The following DLC1 variants were observed in gnomAD, a reference collection of about 807,000 sequenced individuals.
The protein encoded by DLC1 is rho GTPase-activating protein 7.
Under a neutral mutation model 140.3 loss-of-function variants are expected in DLC1, and 54 were observed. That is an observed-to-expected ratio of 0.38 (90% CI 0.31 to 0.48). DLC1 has a LOEUF of 0.48. Ranked by LOEUF, DLC1 falls within the 20% of genes least tolerant of loss-of-function variation. The pLI, the probability that DLC1 is intolerant of heterozygous loss-of-function variation, is 0.96. For synonymous variants in DLC1, 986 were observed against 728.1 expected, an observed-to-expected ratio of 1.35 and a Z score of -5.70; for missense variants, 2,536 against 1,907.0, an observed-to-expected ratio of 1.33 and a Z score of -6.14.
intron 5 of DLC1, chr8:13,132,867 G>T: frequency 6.6e-7 from 1 of 1,525,194 alleles, no homozygotes; most frequent in South Asian, 1.2e-5. Flanking sequence ...AAGGCGGGGT[G>T]ACACTTTCTC....
At chr8:13,490,196 T>G (rs1801171583) in intron 2 of DLC1, among the ~76,000 whole-genome samples, 1 of 152,236 alleles carries the variant, frequency 6.6e-6, no homozygotes, top group Non-Finnish European at 1.5e-5. Context: ...TAATTTTTAA[T>G]GTGCATAAAA....
intron 2 of DLC1, among the ~76,000 whole-genome samples, chr8:13,491,642 C>A (rs532497928): frequency 6.6e-5 from 10 of 152,114 alleles, no homozygotes; most frequent in Non-Finnish European, 1.5e-4. Flanking sequence ...TTAGTGAGTT[C>A]TTTTGTGGCA....
At chr8:13,276,633 C>T (rs983084672) in intron 5 of DLC1, 22 of 1,201,346 alleles carry the variant, frequency 1.8e-5, no homozygotes, top group Non-Finnish European at 2.2e-5. Flanking sequence ...CCTCGCGGGG[C>T]GCGCGAGCTG....
At chr8:13,091,177 A>G (rs1490971490) in intron 14 of DLC1, 141 bp downstream of exon 14, 5 of 667,386 alleles carry the variant, frequency 7.5e-6, no homozygotes, top group Non-Finnish European at 1.3e-5. Context: ...AATATATGTA[A>G]ATAAGACATT....
intron 4 of DLC1, among the ~76,000 whole-genome samples, chr8:13,385,079 C>T (rs984858208): frequency 2.6e-5 from 4 of 152,030 alleles, no homozygotes; most frequent in Non-Finnish European, 2.9e-5. Flanking sequence ...AGGCAGAGGA[C>T]GGCAGTTTTG....
Position 13,500,068 on chromosome 8 carries a change from A to G in DLC1, c.4T>C (p.Ser2Pro), listed in dbSNP as rs1484119918. 2.5e-6 allele frequency: 4 copies of G among 1,611,858 alleles called. No individual in the cohort carries two copies. The highest frequency in any genetic ancestry group is 2.7e-5 in the African/African-American group (2 of 74,880). The change falls in exon 2 of 18, where the codon TCT (serine) becomes CCT (proline). Residue 2 changes from serine (S) to proline (P), a missense_variant. By Grantham distance (74) the Ser-to-Pro change is moderately conservative. Coordinates refer to ENST00000276297, the MANE Select transcript of DLC1 (RefSeq NM_182643.3). M[S>P]VAIRKRSWEE... is the part of the protein sequence containing the mutation. Reference sequence around the variant, plus strand: ...CAGCTTCTCTTTCTGATAGCTACAGACATGTCATCGTAGTTTAACAACAGA... The same window carrying G: ...CAGCTTCTCTTTCTGATAGCTACAGGCATGTCATCGTAGTTTAACAACAGA...
chr8:13,121,377 T>C (rs1821046424), intron 5 of DLC1, among the ~76,000 whole-genome samples: 1 of 152,084 alleles, frequency 6.6e-6, no homozygotes, highest in Non-Finnish European at 1.5e-5. Flanking sequence ...GGCAGGAATG[T>C]TGTGCAGGTG....
intron 5 of DLC1, among the ~76,000 whole-genome samples, chr8:13,167,863 A>G (rs1423957741): frequency 6.6e-6 from 1 of 152,244 alleles, no homozygotes; most frequent in African/African-American, 2.4e-5. Context: ...GCAATTTAAA[A>G]CAAAAACAAA....
At chr8:13,593,509 A>C (rs1585313063) in intron 1 of DLC1, among the ~76,000 whole-genome samples, 1 of 152,122 alleles carries the variant, frequency 6.6e-6, no homozygotes, top group South Asian at 2.1e-4. Context: ...TGACTCAGCA[A>C]CCTGCCAGTT....
At position 13,557,596 on chromosome 8, in the gene DLC1, G is replaced by A. The variant is rs1804093417; in HGVS notation, c.-126+46941C>T. The A allele has an allele frequency of 2.0e-5, 3 of 152,084 alleles. No homozygotes were observed. The South Asian group carries it at 6.2e-4, about 32-fold the overall frequency. 9.4% of individuals were successfully genotyped at this position (152,084 alleles called of 1,614,324 possible). A position where few individuals can be genotyped will look rare whatever the true frequency, so the allele number is the denominator to read the frequency against. On this transcript the variant is annotated intron_variant, in intron 1 of 1. Coordinates refer to the DLC1 transcript ENST00000631382. ...ATAGTGAGTTCTCAGGAGAGCTGATGGTTTTAAAGTGTGGTACTTCCTTGT... is the reference window on the plus strand; with the variant it reads ...ATAGTGAGTTCTCAGGAGAGCTGATAGTTTTAAAGTGTGGTACTTCCTTGT...
At chr8:13,145,939 GTGT>G (rs1348639574) in intron 5 of DLC1, among the ~76,000 whole-genome samples, 1 of 152,100 alleles carries the variant, frequency 6.6e-6, no homozygotes, top group African/African-American at 2.4e-5. Context: ...TGGGTTAATG[GTGT>G]TGTATTATTG....
At chr8:13,449,585 C>T (rs1367510604) in intron 2 of DLC1, among the ~76,000 whole-genome samples, 1 of 150,578 alleles carries the variant, frequency 6.6e-6, no homozygotes, top group African/African-American at 2.4e-5. Context: ...AAACCAAACA[C>T]TGCATGTTCT....
intron 1 of DLC1, among the ~76,000 whole-genome samples, chr8:13,528,295 A>G (rs1235387026): frequency 1.3e-5 from 2 of 152,150 alleles, no homozygotes; most frequent in Non-Finnish European, 2.9e-5. Flanking sequence ...GTTTTCTTTC[A>G]TGAATTTCAA....
At chr8:13,389,275 C>A (rs1439696655) in intron 4 of DLC1, among the ~76,000 whole-genome samples, 1 of 152,052 alleles carries the variant, frequency 6.6e-6, no homozygotes, top group Non-Finnish European at 1.5e-5. Flanking sequence ...TAATGTTCAG[C>A]TTTAAAACCT....
intron 5 of DLC1, among the ~76,000 whole-genome samples, chr8:13,207,742 G>A (rs1002785139): frequency 1.3e-5 from 2 of 152,072 alleles, no homozygotes; most frequent in African/African-American, 2.4e-5. Context: ...TCACACCTGG[G>A]GGAGGTACTG....
intron 5 of DLC1, among the ~76,000 whole-genome samples, chr8:13,240,225 C>A (rs769768075): frequency 6.6e-6 from 1 of 152,104 alleles, no homozygotes; most frequent in East Asian, 1.9e-4. Flanking sequence ...TAGTAGTGTC[C>A]TCCTCTAAAC....
intron 2 of DLC1, among the ~76,000 whole-genome samples, chr8:13,478,458 G>T (rs1481696): frequency 6.6e-6 from 1 of 152,074 alleles, no homozygotes; most frequent in South Asian, 2.1e-4. Context: ...CTATGTCAGT[G>T]CATATTCTTC....
chr8:13,469,083 T>C (rs908556681), intron 2 of DLC1, among the ~76,000 whole-genome samples: 1 of 152,168 alleles, frequency 6.6e-6, no homozygotes. Flanking sequence ...CCTCCCAAAG[T>C]GCTGGGATTA....
intron 3 of DLC1, among the ~76,000 whole-genome samples, chr8:13,399,895 C>T (rs958537816): frequency 6.6e-6 from 1 of 152,112 alleles, no homozygotes; most frequent in African/African-American, 2.4e-5. Context: ...CTTGTTCTTC[C>T]TGCTGATCTA....
Sources: allele counts gnomAD v4.1 joint callset (sites outside exome capture counted in the v4.1 genomes callset), GRCh38; gene constraint gnomAD v4.1.1; transcripts MANE v1.5; gene names NCBI Gene and HGNC (gene_info 2026-07-23, HGNC 2026-07-21).